MAP3K15: variants seen among roughly 807,000 people sequenced by gnomAD.
MAP3K15 encodes the protein MAPK/ERK kinase kinase 15.
In MAP3K15, 124 loss-of-function variants were observed where a neutral mutation model predicts 99.5. The ratio of observed to expected loss-of-function variants is 1.25; its 90% CI spans 1.08 to 1.45. The LOEUF (loss-of-function observed/expected upper bound fraction) is 1.45. Among genes scored for constraint, MAP3K15 ranks in the 40% most tolerant of loss-of-function variants. The probability of loss-of-function intolerance (pLI) is 0.00; values close to 1 mark genes in which losing one functional copy is unlikely to be tolerated. For missense variants in MAP3K15, 1,242 were observed against 1,079.7 expected (o/e 1.15, Z -2.11); for synonymous variants, 494 against 439.6 (o/e 1.12, Z -1.55).
At chrX:19,364,612 A>T (rs1392153640) in intron 25 of MAP3K15, among the ~76,000 whole-genome samples, 1 of 111,190 alleles carries the variant, frequency 9.0e-6, no homozygotes, top group Non-Finnish European at 1.9e-5. Context: ...GTTATAAAGA[A>T]ATTCTTGGCC....
At chrX:19,495,401 G>C (rs1251045442) in intron 1 of MAP3K15, among the ~76,000 whole-genome samples, 1 of 111,922 alleles carries the variant, frequency 8.9e-6, no homozygotes, top group Non-Finnish European at 1.9e-5. Flanking sequence ...TCCTTACCAA[G>C]TGTCATAGTG....
intron 9 of MAP3K15, among the ~76,000 whole-genome samples, chrX:19,416,332 A>G (rs1451117818): frequency 9.1e-6 from 1 of 110,178 alleles, no homozygotes; most frequent in African/African-American, 3.4e-5. Context: ...CTCTGTCTCA[A>G]AAACAAACAA....
At chrX:19,429,055 G>A (rs529570207) in intron 7 of MAP3K15, among the ~76,000 whole-genome samples, 2 of 111,291 alleles carry the variant, frequency 1.8e-5, no homozygotes, top group African/African-American at 6.5e-5. Flanking sequence ...AACAGAGACA[G>A]GAGTTTGGAA....
intron 1 of MAP3K15, among the ~76,000 whole-genome samples, chrX:19,507,478 G>GAGGTGGA (rs1206041596): frequency 1.9e-5 from 2 of 102,577 alleles, no homozygotes; most frequent in Non-Finnish European, 3.9e-5. Context: ...TCGGGAGGCT[G>GAGGTGGA]AGGTGGAAGG....
At chrX:19,513,236 G>GC (rs917744434) in intron 1 of MAP3K15, among the ~76,000 whole-genome samples, 9 of 111,043 alleles carry the variant, frequency 8.1e-5, no homozygotes, top group African/African-American at 2.9e-4. Context: ...TGTTAGAAGG[G>GC]CCCCCCGTAC....
At chrX:19,425,748 A>C in intron 8 of MAP3K15, 58 bp from the exon 9 acceptor site, 2 of 1,034,448 alleles carry the variant, frequency 1.9e-6, no homozygotes, top group Non-Finnish European at 2.6e-6. Flanking sequence ...TGTCATACTG[A>C]GGATAAGCAG....
chrX:19,412,848 C>T (rs770132414), intron 11 of MAP3K15, among the ~76,000 whole-genome samples: 46 of 110,775 alleles, frequency 4.2e-4, no homozygotes, highest in Admixed American at 1.9e-4. Flanking sequence ...GATCCTCCCA[C>T]TTCAGCCTCC....
chrX:19,489,297 C>T (rs781113363), intron 1 of MAP3K15, among the ~76,000 whole-genome samples: 10 of 111,106 alleles, frequency 9.0e-5, no homozygotes, highest in Non-Finnish European at 1.9e-4. Flanking sequence ...TATAATGCAA[C>T]GAAAAACCAT....
At chrX:19,363,673 G>C (rs1454911305) in intron 25 of MAP3K15, among the ~76,000 whole-genome samples, 5 of 103,602 alleles carry the variant, frequency 4.8e-5, no homozygotes, top group African/African-American at 1.9e-4. Flanking sequence ...TTTTTTTGGA[G>C]ACAGAGTCTC....
intron 13 of MAP3K15, among the ~76,000 whole-genome samples, chrX:19,403,238 TA>T (rs35044536): frequency 2.7e-5 from 3 of 110,801 alleles, no homozygotes; most frequent in Admixed American, 9.7e-5. Flanking sequence ...TACACATCAA[TA>T]AAAAAATTAT....
chrX:19,460,232 T>C (rs2064122575), intron 4 of MAP3K15, 79 bp from the exon 5 acceptor site: 2 of 739,310 alleles, frequency 2.7e-6, no homozygotes, highest in South Asian at 3.5e-5. Flanking sequence ...ATGGTTCTCA[T>C]TGACCTGACT....
intron 3 of MAP3K15, among the ~76,000 whole-genome samples, chrX:19,483,234 G>C (rs1312081762): frequency 1.7e-4 from 18 of 102,857 alleles, no homozygotes; most frequent in African/African-American, 6.6e-4. Flanking sequence ...CTCCAGCCTG[G>C]GCTACAGGGC....
rs181672346 is a variant in MAP3K15, at chrX:19,515,400, A to G, written c.-139T>C. ...GACGCTACGGGAATCGAGGGAACGG[A>G]GCGCACCGGGGACCCCGCGGCGGGC... On this transcript the variant is annotated 5_prime_UTR_variant, in exon 1 of 29. Transcript: ENST00000338883. 46,145 of 323,366 alleles carry G rather than the reference A, an allele frequency of 0.14. 2,720 individuals carry two copies. Among genetic ancestry groups the G allele is most frequent in the Non-Finnish European group, 0.15 (34,457 of 234,831 alleles). The allele number at this position is 323,366 out of a possible 1,213,427, so 26.6% of individuals were successfully genotyped here.
At chrX:19,388,443 C>T (rs1040203671) in intron 18 of MAP3K15, among the ~76,000 whole-genome samples, 12 of 112,033 alleles carry the variant, frequency 1.1e-4, no homozygotes, top group Non-Finnish European at 1.5e-4. Context: ...GGGTTCAACA[C>T]GTTAGTTACA....
intron 8 of MAP3K15, 89 bp downstream of exon 8, chrX:19,426,142 A>G (rs1040773155): frequency 4.9e-5 from 23 of 465,305 alleles, no homozygotes; most frequent in Non-Finnish European, 7.8e-5. Context: ...TAGAAATATA[A>G]TGATATAATG....
Position 19,398,248 on chromosome X carries a change from C to A in MAP3K15, c.2044G>T (p.Glu682Ter), listed in dbSNP as rs370641677. Reference sequence around the variant, plus strand: ...TGCCTGCTATCTCTCTCCGGGATTTCTTTGATGGCTATTCGCACTTGATTG... The same window carrying A: ...TGCCTGCTATCTCTCTCCGGGATTTATTTGATGGCTATTCGCACTTGATTG... ...LSNQVRIAIKEIPERDSRYSQ... is the reference protein window; with the variant it reads ...LSNQVRIAIK Residue 682 changes from glutamate to a stop codon, truncating the protein, a stop_gained, in exon 15 of 29, where the codon GAA becomes TAA. Transcript: ENST00000338883. LOFTEE classifies it high-confidence loss of function. 4.1e-6 allele frequency: 5 copies of A among 1,211,228 alleles called. No homozygotes were observed. The highest frequency in any genetic ancestry group is 5.6e-6 in the Non-Finnish European group (5 of 895,405).
intron 9 of MAP3K15, among the ~76,000 whole-genome samples, chrX:19,420,917 A>G (rs746027385): frequency 4.5e-4 from 50 of 111,746 alleles, no homozygotes; most frequent in African/African-American, 1.4e-3. Context: ...TATAAACAGA[A>G]CCAAAGAGAA....
chrX:19,402,157 T>G (rs1278060285), intron 13 of MAP3K15, among the ~76,000 whole-genome samples: 3 of 107,501 alleles, frequency 2.8e-5, no homozygotes, highest in East Asian at 5.8e-4. Context: ...TAGCCAGGTG[T>G]GGTGGCACAC....
chrX:19,509,876 G>C (rs1267605412), intron 1 of MAP3K15, among the ~76,000 whole-genome samples: 2 of 110,340 alleles, frequency 1.8e-5, no homozygotes, highest in African/African-American at 3.3e-5. Flanking sequence ...AAAGAGAGAA[G>C]AATCAAATAG....
Sources: gnomAD v4.1 joint callset for allele counts (sites outside exome capture counted in the v4.1 genomes callset) on GRCh38, gnomAD v4.1.1 for gene constraint, MANE v1.5 for transcripts, NCBI Gene and HGNC (gene_info 2026-07-23, HGNC 2026-07-21) for gene names.